Variants in ZNF91 observed in about 807,000 individuals in gnomAD.
ZNF91 encodes zinc finger protein 91 (HPF7, HTF10).
ZNF91 carries 7 observed loss-of-function variants against 12.6 expected under a neutral mutation model. The observed-to-expected ratio is 0.55, with a 90% CI of 0.31 to 1.04. The LOEUF is 1.04. ZNF91 is among the 50% of genes least tolerant of loss of function. The pLI is 0.05. For missense variants in ZNF91, 1,217 were observed against 1,385.4 expected (o/e 0.88, Z 1.93); for synonymous variants, 453 against 462.6 (o/e 0.98, Z 0.27).
intron 1 of ZNF91, among the ~76,000 whole-genome samples, chr19:23,390,906 A>G (rs991880416): frequency 3.3e-5 from 5 of 152,206 alleles, no homozygotes; most frequent in Non-Finnish European, 7.3e-5. Context: ...TCAGTCTACC[A>G]TTGATAGGCA....
chr19:23,373,723 T>A lies in ZNF91; in HGVS notation c.253+19A>T. On this transcript the variant is annotated intron_variant, in intron 3 of 3. Transcript: ENST00000300619. ...TGGGCCTCTCATCCTTGTCGTCTGT[T>A]GTATTCACTCTCACCTACCTGTGGG... 6.3e-7 allele frequency: 1 copy of A among 1,598,476 alleles called. No individual in the cohort carries two copies. Among genetic ancestry groups the A allele is most frequent in the Non-Finnish European group, 8.6e-7 (1 of 1,168,774 alleles).
intron 1 of ZNF91, chr19:23,329,225 T>TA (rs1015948305): frequency 2.6e-5 from 4 of 152,190 alleles, no homozygotes; most frequent in South Asian, 2.1e-4. Context: ...ACCTAAATGT[T>TA]AAGAGTGTTG....
At chr19:23,337,298 G>A (rs1327123227), downstream of ZNF91, among the ~76,000 whole-genome samples, 1 of 151,570 alleles carries the variant, frequency 6.6e-6, no homozygotes, top group Non-Finnish European at 1.5e-5. Context: ...ATATATATAT[G>A]TATTTATAAA....
intron 3 of ZNF91, 135 bp from the exon 4 acceptor site, chr19:23,362,860 T>A (rs1968868773): frequency 8.2e-7 from 1 of 1,220,636 alleles, no homozygotes; most frequent in Non-Finnish European, 1.0e-6. Flanking sequence ...CAGGCCCTAA[T>A]TCTATTTTTG....
At chr19:23,313,557 G>C (rs1203781160), upstream of ZNF91, among the ~76,000 whole-genome samples, 1 of 152,264 alleles carries the variant, frequency 6.6e-6, no homozygotes, top group East Asian at 1.9e-4. Flanking sequence ...TTGGCATCCA[G>C]GTGAGGTGAC....
chr19:23,369,448 C>T (rs548509259), intron 3 of ZNF91, among the ~76,000 whole-genome samples: 15 of 152,080 alleles, frequency 9.9e-5, no homozygotes, highest in Middle Eastern at 3.4e-3. Context: ...TCTGCCCGGC[C>T]GCCCCTTCTG....
rs1247603760 is a variant in ZNF91 at position 23,360,893 on chromosome 19, TAA to T, written c.2084_2085del (p.Phe695Ter). 2 of 1,613,720 alleles carry T rather than the reference TAA, an allele frequency of 1.2e-6. No individual in the cohort carries two copies. The highest frequency in any genetic ancestry group is 1.7e-6 in the Non-Finnish European group (2 of 1,179,856). On this transcript the variant is annotated frameshift_variant, in exon 4 of 4. Transcript: ENST00000300619. LOFTEE classifies it low-confidence loss of function (END_TRUNC). ...TGTTTAGTAAGGGTTGAGAGTCGCT[TAA>T]AAGTTTTGTCACATTCTTTACATTT... is the stretch of plus-strand genomic sequence containing the variant. ...PYKCKECDKT[F>X]KRLSTLTKHK...
At chr19:23,372,384 A>G (rs1232209631) in intron 3 of ZNF91, among the ~76,000 whole-genome samples, 1 of 152,136 alleles carries the variant, frequency 6.6e-6, no homozygotes, top group Non-Finnish European at 1.5e-5. Flanking sequence ...TCCGGTCAAA[A>G]TATTAAGACC....
At chr19:23,385,060 G>A (rs1422778669) in intron 1 of ZNF91, 12 of 1,115,400 alleles carry the variant, frequency 1.1e-5, no homozygotes, top group East Asian at 4.7e-5. Flanking sequence ...CAGCGGTTCC[G>A]CATCTCAGTC....
intron 3 of ZNF91, among the ~76,000 whole-genome samples, chr19:23,369,326 C>T (rs1035972803): frequency 1.9e-4 from 29 of 151,094 alleles, no homozygotes; most frequent in East Asian, 7.8e-4. Flanking sequence ...AAAAAAACAA[C>T]GCCCGGGAGG....
intron 1 of ZNF91, among the ~76,000 whole-genome samples, chr19:23,323,609 TC>T (rs1967762295): frequency 2.5e-5 from 3 of 120,538 alleles, no homozygotes; most frequent in African/African-American, 7.3e-5. Context: ...CTTTTCCTCC[TC>T]CTTTTCTCTT....
At chr19:23,384,174 T>C (rs1969802866) in intron 1 of ZNF91, among the ~76,000 whole-genome samples, 2 of 152,192 alleles carry the variant, frequency 1.3e-5, no homozygotes, top group Admixed American at 6.5e-5. Flanking sequence ...CTATCCCTGT[T>C]TGCAGACAAC....
intron 3 of ZNF91, among the ~76,000 whole-genome samples, chr19:23,371,326 C>T (rs1189127862): frequency 6.6e-6 from 1 of 150,944 alleles, no homozygotes; most frequent in African/African-American, 2.4e-5. Context: ...GCCTCAGCAA[C>T]AAGAGCAAAA....
intron 3 of ZNF91, among the ~76,000 whole-genome samples, chr19:23,362,994 C>T (rs1432350917): frequency 6.6e-6 from 1 of 152,062 alleles, no homozygotes; most frequent in South Asian, 2.1e-4. Flanking sequence ...CTGCACAGGC[C>T]CTAATTCTTT....
chr19:23,375,391 C>G (rs910807741), intron 1 of ZNF91, among the ~76,000 whole-genome samples: 1 of 152,104 alleles, frequency 6.6e-6, no homozygotes, highest in East Asian at 1.9e-4. Context: ...GATCTCCTGA[C>G]CTCGTGATCC....
chr19:23,336,947 T>C (rs1490593210), downstream of ZNF91, among the ~76,000 whole-genome samples: 1 of 152,198 alleles, frequency 6.6e-6, no homozygotes, highest in Admixed American at 6.5e-5. Flanking sequence ...TTTGTATGTA[T>C]GAATAAGCAA....
At chr19:23,354,950 A>G (rs181998017), downstream of ZNF91, among the ~76,000 whole-genome samples, 1 of 152,340 alleles carries the variant, frequency 6.6e-6, no homozygotes, top group Admixed American at 6.5e-5. Flanking sequence ...ACACTGCTGA[A>G]ACAAATCATA....
At chr19:23,310,925 GTGAGT>G (rs963968565), upstream of ZNF91, among the ~76,000 whole-genome samples, 8 of 152,204 alleles carry the variant, frequency 5.3e-5, no homozygotes, top group Non-Finnish European at 1.5e-5. Context: ...TATTACCAAG[GTGAGT>G]TGAGTTTCTT....
intron 3 of ZNF91, among the ~76,000 whole-genome samples, chr19:23,346,359 C>T (rs1968231664): frequency 6.6e-6 from 1 of 152,082 alleles, no homozygotes; most frequent in African/African-American, 2.4e-5. Flanking sequence ...CAGGCAGTTC[C>T]CAACCAGGAC....
Sources: gnomAD v4.1 joint callset for allele counts (sites outside exome capture counted in the v4.1 genomes callset) on GRCh38, gnomAD v4.1.1 for gene constraint, MANE v1.5 for transcripts, NCBI Gene and HGNC (gene_info 2026-07-23, HGNC 2026-07-21) for gene names.